Variants in MARK1 observed in about 807,000 individuals in gnomAD.
MARK1 encodes the protein microtubule affinity regulating kinase 1.
Under a neutral mutation model 96.3 loss-of-function variants are expected in MARK1, and 40 were observed. The ratio of observed to expected loss-of-function variants is 0.42; its 90% CI spans 0.32 to 0.54. The LOEUF (loss-of-function observed/expected upper bound fraction) is 0.54, where lower values mean the gene tolerates loss of function less well. MARK1 is among the 20% of genes least tolerant of loss of function. MARK1 has a pLI of 0.16. For synonymous variants in MARK1, 317 were observed against 341.2 expected, an observed-to-expected ratio of 0.93 and a Z score of 0.78; for missense variants, 719 against 984.6, an observed-to-expected ratio of 0.73 and a Z score of 3.61.
chr1:220,635,138 T>C (rs757663996), intron 11 of MARK1, among the ~76,000 whole-genome samples: 2 of 152,108 alleles, frequency 1.3e-5, no homozygotes, highest in African/African-American at 2.4e-5. Flanking sequence ...TTGACTAAAC[T>C]AAGGATTTGT....
chr1:220,590,419 T>C (rs567970930), intron 3 of MARK1, among the ~76,000 whole-genome samples: 17 of 152,322 alleles, frequency 1.1e-4, no homozygotes, highest in African/African-American at 4.1e-4. Flanking sequence ...TCTCTCTCCT[T>C]GGCCTGCACA....
At chr1:220,623,424 A>G (rs1290748253) in intron 9 of MARK1, among the ~76,000 whole-genome samples, 2 of 152,206 alleles carry the variant, frequency 1.3e-5, no homozygotes, top group Non-Finnish European at 2.9e-5. Flanking sequence ...AACAGAGTTA[A>G]ACCCCCACAT....
chr1:220,644,452 C>A (rs1269080610), intron 13 of MARK1, among the ~76,000 whole-genome samples: 1 of 85,654 alleles, frequency 1.2e-5, no homozygotes, highest in Admixed American at 1.1e-4. Flanking sequence ...GACTTAGACC[C>A]CCCCCCCCCC....
chr1:220,535,727 A>G (rs1460789313), intron 1 of MARK1, among the ~76,000 whole-genome samples: 2 of 152,016 alleles, frequency 1.3e-5, no homozygotes, highest in African/African-American at 4.8e-5. Context: ...ATTCTTTTGC[A>G]TATATATATC....
chr1:220,631,638 C>T (rs972583108), intron 10 of MARK1, among the ~76,000 whole-genome samples: 2 of 152,162 alleles, frequency 1.3e-5, no homozygotes, highest in Non-Finnish European at 2.9e-5. Context: ...ATTTCACAAT[C>T]CCTTCCCAAA....
intron 9 of MARK1, among the ~76,000 whole-genome samples, chr1:220,623,898 C>A (rs1667176149): frequency 6.6e-6 from 1 of 152,200 alleles, no homozygotes; most frequent in Non-Finnish European, 1.5e-5. Context: ...CAGTTTACAT[C>A]CTGCCCCCTT....
chr1:220,633,506 T>C (rs1667784935), intron 11 of MARK1, among the ~76,000 whole-genome samples: 1 of 152,206 alleles, frequency 6.6e-6, no homozygotes, highest in Non-Finnish European at 1.5e-5. Context: ...GTACTGTGAA[T>C]AGAAGGACGA....
intron 13 of MARK1, among the ~76,000 whole-genome samples, chr1:220,645,543 A>T (rs1668530761): frequency 6.6e-6 from 1 of 152,122 alleles, no homozygotes; most frequent in South Asian, 2.1e-4. Context: ...AAAAGGAGGG[A>T]CTCCTCCCTG....
At chr1:220,651,908 A>G in intron 14 of MARK1, 78 bp from the exon 15 acceptor site, 1 of 1,210,660 alleles carries the variant, frequency 8.3e-7, no homozygotes, top group Non-Finnish European at 1.1e-6. Context: ...ATTTTTTAAA[A>G]TATAGTTCTT....
At chr1:220,543,974 A>G (rs1166067460) in intron 1 of MARK1, among the ~76,000 whole-genome samples, 3 of 152,222 alleles carry the variant, frequency 2.0e-5, no homozygotes, top group African/African-American at 4.8e-5. Flanking sequence ...TGAAAAGACA[A>G]TTATAGTTGA....
intron 1 of MARK1, among the ~76,000 whole-genome samples, chr1:220,575,462 A>G (rs1663768151): frequency 6.6e-6 from 1 of 152,198 alleles, no homozygotes; most frequent in African/African-American, 2.4e-5. Context: ...CACATTTTCT[A>G]TTTGAGAATT....
chr1:220,603,956 A>G, intron 5 of MARK1, 111 bp from the exon 6 acceptor site: 1 of 584,134 alleles, frequency 1.7e-6, no homozygotes, highest in Admixed American at 3.3e-5. Context: ...AACTAGCAGA[A>G]AATTGTGGGC....
In MARK1 at chr1:220,528,736, C is replaced by T; in HGVS notation, c.-87C>T. 2.3e-6 allele frequency: 3 copies of T among 1,293,456 alleles called. No individual in the cohort carries two copies. 80.1% of individuals were successfully genotyped at this position (1,293,456 alleles called of 1,614,324 possible). A position where few individuals can be genotyped will look rare whatever the true frequency, so the allele number is the denominator to read the frequency against. On this transcript the variant is annotated 5_prime_UTR_variant, in exon 1 of 18. Coordinates refer to ENST00000366917, the MANE Select transcript of MARK1 (RefSeq NM_018650.5). ...GCCGCTCGCCCCGGCCTTGTGCTCG[C>T]GTCCGCACCCCTTTCCTGTCGCCCC...
chr1:220,650,885 A>G (rs1295186605), intron 14 of MARK1, among the ~76,000 whole-genome samples, 165 bp downstream of exon 14: 2 of 152,266 alleles, frequency 1.3e-5, no homozygotes, highest in African/African-American at 4.8e-5. Context: ...GTACCAGGAT[A>G]GAAGGATGGG....
intron 11 of MARK1, among the ~76,000 whole-genome samples, chr1:220,633,842 C>T (rs191381048): frequency 6.6e-6 from 1 of 152,154 alleles, no homozygotes; most frequent in African/African-American, 2.4e-5. Flanking sequence ...TCAATTTGAG[C>T]TGGTTGAATT....
intron 13 of MARK1, among the ~76,000 whole-genome samples, chr1:220,650,080 C>T (rs987481664): frequency 2.0e-5 from 3 of 152,166 alleles, no homozygotes; most frequent in Non-Finnish European, 4.4e-5. Flanking sequence ...TTCAGGGTGG[C>T]ACTGCACACA....
chr1:220,553,086 A>G (rs1475545082), intron 1 of MARK1, among the ~76,000 whole-genome samples: 3 of 152,228 alleles, frequency 2.0e-5, no homozygotes, highest in African/African-American at 4.8e-5. Flanking sequence ...CTGAGTATGT[A>G]CATGGGAAAC....
At chr1:220,611,646 T>C (rs2993209) in intron 6 of MARK1, among the ~76,000 whole-genome samples, 28,340 of 152,272 alleles carry the variant, frequency 0.19, 3,363 homozygotes, top group East Asian at 0.36. Context: ...GGGATGATCA[T>C]GCTGGGAGCT....
chr1:220,529,795 A>G (rs866231196), intron 1 of MARK1, among the ~76,000 whole-genome samples: 2 of 152,140 alleles, frequency 1.3e-5, no homozygotes, highest in African/African-American at 2.4e-5. Flanking sequence ...TGTGTGTGCA[A>G]GTTCCTTTGT....
Sources: gnomAD v4.1 joint callset for allele counts (sites outside exome capture counted in the v4.1 genomes callset) on GRCh38, gnomAD v4.1.1 for gene constraint, MANE v1.5 for transcripts, NCBI Gene and HGNC (gene_info 2026-07-23, HGNC 2026-07-21) for gene names.